Variants in PDGFD observed in about 807,000 individuals in gnomAD.
PDGFD encodes platelet derived growth factor D.
A neutral mutation model predicts 44.7 loss-of-function variants in PDGFD; 30 were observed. The ratio of observed to expected loss-of-function variants is 0.67; its 90% CI spans 0.50 to 0.91. The LOEUF is 0.91. Ranked by LOEUF, PDGFD falls within the 40% of genes least tolerant of loss-of-function variation. PDGFD has a pLI of 0.00. For synonymous variants in PDGFD, 173 were observed against 168.4 expected, an observed-to-expected ratio of 1.03 and a Z score of -0.21; for missense variants, 445 against 457.8, an observed-to-expected ratio of 0.97 and a Z score of 0.25.
intron 1 of PDGFD, among the ~76,000 whole-genome samples, chr11:104,009,846 T>C (rs1467500964): frequency 3.3e-5 from 5 of 152,216 alleles, no homozygotes; most frequent in East Asian, 3.9e-4. Context: ...TTCAGCTTTT[T>C]CCCCCTAGTG....
At chr11:104,074,823 A>G (rs1301456569) in intron 1 of PDGFD, among the ~76,000 whole-genome samples, 1 of 152,194 alleles carries the variant, frequency 6.6e-6, no homozygotes, top group Non-Finnish European at 1.5e-5. Flanking sequence ...TCAGGTGCTG[A>G]TTGCCTGGGA....
At chr11:103,940,210 A>T (rs1226850698) in intron 5 of PDGFD, among the ~76,000 whole-genome samples, 1 of 152,100 alleles carries the variant, frequency 6.6e-6, no homozygotes, top group Non-Finnish European at 1.5e-5. Flanking sequence ...GTAAAATATG[A>T]ACCTTCATAT....
chr11:104,061,686 T>C (rs1373026220), intron 1 of PDGFD, among the ~76,000 whole-genome samples: 1 of 152,226 alleles, frequency 6.6e-6, no homozygotes, highest in Non-Finnish European at 1.5e-5. Flanking sequence ...CTCAGCTCAC[T>C]GCAACCTCGG....
At chr11:104,147,444 A>G (rs1862180425) in intron 1 of PDGFD, among the ~76,000 whole-genome samples, 1 of 152,206 alleles carries the variant, frequency 6.6e-6, no homozygotes, top group Non-Finnish European at 1.5e-5. Flanking sequence ...ATCAAATTAT[A>G]TGCAAATTAA....
intron 3 of PDGFD, among the ~76,000 whole-genome samples, chr11:103,984,260 G>A (rs1859318948): frequency 6.6e-6 from 1 of 151,580 alleles, no homozygotes; most frequent in South Asian, 2.1e-4. Flanking sequence ...TCCTTTGCAG[G>A]GACATGGATG....
chr11:104,056,923 C>T (rs1860626583), intron 1 of PDGFD, among the ~76,000 whole-genome samples: 1 of 151,990 alleles, frequency 6.6e-6, no homozygotes, highest in African/African-American at 2.4e-5. Flanking sequence ...AGGTTAGGAG[C>T]TCGAGACCAT....
intron 4 of PDGFD, chr11:103,945,507 A>G: frequency 6.6e-6 from 1 of 152,242 alleles, no homozygotes; most frequent in East Asian, 1.9e-4. Flanking sequence ...GTGTCACAAT[A>G]GTGTGGTTCT....
intron 1 of PDGFD, among the ~76,000 whole-genome samples, chr11:104,020,093 A>T: frequency 6.6e-6 from 1 of 152,204 alleles, no homozygotes; most frequent in Non-Finnish European, 1.5e-5. Context: ...TAGGCAGCAA[A>T]CATTTTAGGA....
At chr11:104,036,756 G>T in intron 1 of PDGFD, 1 of 1,328,826 alleles carries the variant, frequency 7.5e-7, no homozygotes, top group Non-Finnish European at 1.1e-6. Context: ...CAACGACGCA[G>T]GCCCGCCCCA....
chr11:104,092,337 T>G lies in PDGFD; in HGVS notation c.124+71467A>C, dbSNP rs199975216. Among the ~76,000 whole-genome samples, 3 of 152,190 alleles carry G rather than the reference T, an allele frequency of 2.0e-5. No individual in the cohort carries two copies. The East Asian group carries it at 5.8e-4, about 29-fold the overall frequency. Reference sequence around the variant, plus strand: ...TCATTAAATCCTCAGAAGAAATTCATGGAAGAGGTAATTTTATTATTCTTA... The same window carrying G: ...TCATTAAATCCTCAGAAGAAATTCAGGGAAGAGGTAATTTTATTATTCTTA... On this transcript the variant is annotated intron_variant, in intron 1 of 6. Transcript: ENST00000393158.
rs552900978 is a variant in PDGFD, at chr11:103,980,807, G to A, written c.510+15258C>T. 4.0e-4 allele frequency among the ~76,000 whole-genome samples: 61 copies of A among 152,078 alleles called. 1 individual carries two copies. The highest frequency in any genetic ancestry group is 5.1e-4 in the African/African-American group (21 of 41,494). On this transcript the variant is annotated intron_variant, in intron 3 of 6. Transcript: ENST00000393158. ...TCATCCTCTTTCCATCATATGTCAC[G>A]TGAAGCTACAAGAAGAATTTGGCAA...
At chr11:104,144,405 C>A (rs968186743) in intron 1 of PDGFD, among the ~76,000 whole-genome samples, 8 of 149,076 alleles carry the variant, frequency 5.4e-5, no homozygotes, top group African/African-American at 1.7e-4. Context: ...ACTCGGGAGG[C>A]TGAGGCAGGA....
chr11:104,122,202 C>T (rs1411126493), intron 1 of PDGFD, among the ~76,000 whole-genome samples: 3 of 151,966 alleles, frequency 2.0e-5, no homozygotes, highest in Non-Finnish European at 1.5e-5. Flanking sequence ...GGCAGCTGTG[C>T]CAACAGAAAA....
rs1193661913 is a variant in PDGFD at position 104,139,873 on chromosome 11, TA to T, written c.124+23930del. ...TAACAAGGTGAAACCCCGTCTCTACTAAAAAAAAAAAAAAAAAAAAAAAAAA... is the reference window on the plus strand; with the variant it reads ...TAACAAGGTGAAACCCCGTCTCTACTAAAAAAAAAAAAAAAAAAAAAAAAA... On this transcript the variant is annotated intron_variant, in intron 1 of 6. Transcript: ENST00000393158. 3.3e-3 allele frequency among the ~76,000 whole-genome samples: 66 copies of T among 19,854 alleles called. 3 individuals are homozygous for T. Among genetic ancestry groups the T allele is most frequent in the African/African-American group, 5.0e-3 (15 of 3,016 alleles). 13.0% of individuals were successfully genotyped at this position (19,854 alleles called of 152,430 possible).
chr11:104,058,883 A>C (rs1432475889), intron 1 of PDGFD, among the ~76,000 whole-genome samples: 1 of 152,232 alleles, frequency 6.6e-6, no homozygotes, highest in East Asian at 1.9e-4. Flanking sequence ...CGAGACACAC[A>C]AGGCTGTATA....
Position 104,104,203 on chromosome 11 carries a change from T to A in PDGFD, c.124+59601A>T, listed in dbSNP as rs373876699. On this transcript the variant is annotated intron_variant, in intron 1 of 6. Transcript: ENST00000393158. Reference sequence around the variant, plus strand: ...TTTTTGTACATCTGTATAATGTGTTTGTGTTTTAAGCTATTTTGAGTTATT... The same window carrying A: ...TTTTTGTACATCTGTATAATGTGTTAGTGTTTTAAGCTATTTTGAGTTATT... 2.7e-4 allele frequency among the ~76,000 whole-genome samples: 41 copies of A among 152,310 alleles called. No homozygotes were observed. In the South Asian group the frequency reaches 7.9e-3, roughly 29 times the overall value.
chr11:104,143,119 T>C (rs1036771608), intron 1 of PDGFD, among the ~76,000 whole-genome samples: 2 of 152,204 alleles, frequency 1.3e-5, no homozygotes, highest in Non-Finnish European at 2.9e-5. Flanking sequence ...ATATTCTGTA[T>C]GAAAAAATTT....
chr11:103,973,632 G>A (rs1028489604), intron 3 of PDGFD, among the ~76,000 whole-genome samples: 3 of 152,112 alleles, frequency 2.0e-5, no homozygotes, highest in African/African-American at 7.2e-5. Context: ...GAAAACTCAG[G>A]CTTGGATAGC....
chr11:103,911,969 A>AC (rs1858035629), intron 6 of PDGFD, among the ~76,000 whole-genome samples: 1 of 44,832 alleles, frequency 2.2e-5, no homozygotes, highest in South Asian at 7.9e-4. Context: ...TCCAAGAATT[A>AC]TGGGACTATG....
Sources: allele counts gnomAD v4.1 joint callset (sites outside exome capture counted in the v4.1 genomes callset), GRCh38; gene constraint gnomAD v4.1.1; transcripts MANE v1.5; gene names NCBI Gene and HGNC (gene_info 2026-07-23, HGNC 2026-07-21).